Variants in ST13 observed in about 807,000 individuals in gnomAD.
The protein encoded by ST13 is hsc70-interacting protein.
In ST13, 23 loss-of-function variants were observed where a neutral mutation model predicts 56.7. The ratio of observed to expected loss-of-function variants is 0.41; its 90% CI spans 0.29 to 0.57. The LOEUF is 0.57. ST13 is among the 20% of genes least tolerant of loss of function. The pLI is 0.36. For synonymous variants in ST13, 132 were observed against 142.4 expected, an observed-to-expected ratio of 0.93 and a Z score of 0.52; for missense variants, 369 against 459.9, an observed-to-expected ratio of 0.80 and a Z score of 1.81.
At chr22:40,856,360 C>G in intron 1 of ST13, 71 bp downstream of exon 1, 3 of 1,379,040 alleles carry the variant, frequency 2.2e-6, no homozygotes, top group Non-Finnish European at 3.1e-6. Flanking sequence ...CGGACCGAGC[C>G]AGGTCCAGCC....
intron 1 of ST13, among the ~76,000 whole-genome samples, 186 bp downstream of exon 1, chr22:40,856,245 C>T (rs927941180): frequency 6.6e-6 from 1 of 152,144 alleles, no homozygotes; most frequent in Non-Finnish European, 1.5e-5. Context: ...CTGCCTCCTG[C>T]TCCCCGCGGC....
rs1254992519 is a variant in ST13 at position 40,841,510 on chromosome 22, T to C, written c.316-818A>G. Among the ~76,000 whole-genome samples, 3 of 152,162 alleles carry C rather than the reference T, an allele frequency of 2.0e-5. No individual in the cohort carries two copies. The South Asian group carries it at 6.2e-4, about 32-fold the overall frequency. ...CAGCACTTTGGGAGGCTGAGGCAGG[T>C]AGATCCCTTGAGCCCAGGAGTTCAA... On this transcript the variant is annotated intron_variant, in intron 4 of 11. Coordinates refer to ENST00000216218, the MANE Select transcript of ST13 (RefSeq NM_003932.5).
At chr22:40,845,721 A>T (rs965950888) in intron 3 of ST13, among the ~76,000 whole-genome samples, 2 of 148,344 alleles carry the variant, frequency 1.3e-5, no homozygotes, top group African/African-American at 5.3e-5. Flanking sequence ...AACGAGTTTT[A>T]TATATATATA....
At chr22:40,831,311 A>C (rs947794166) in intron 8 of ST13, among the ~76,000 whole-genome samples, 1 of 152,236 alleles carries the variant, frequency 6.6e-6, no homozygotes, top group Non-Finnish European at 1.5e-5. Flanking sequence ...ATTCAGTAGG[A>C]AGAGTATTAT....
In ST13 at chr22:40,832,646, C is replaced by A; in HGVS notation, c.604G>T (p.Ala202Ser). ...TTACAGGCAAGGGCAAGATCATGGG[C>A]TGCTTCTTCCCAGTGGCCTAGAAGT... ...HRLLGHWEEA[A>S]HDLALACKLD... The change falls in exon 8 of 12, where the codon GCC becomes TCC. Residue 202 changes from alanine to serine, a missense_variant. Around this residue, in one of 3 missense-constraint regions of ST13, gnomAD observed 64 missense variants for 125.1 expected, o/e 0.51. Coordinates refer to ENST00000216218, the MANE Select transcript of ST13 (RefSeq NM_003932.5). 1 of 1,601,390 alleles carries A rather than the reference C, an allele frequency of 6.2e-7. No individual in the cohort carries two copies.
rs2057723365 is a variant in ST13, at chr22:40,825,496, C to T, written c.*1042G>A. 1 of 152,192 alleles carries T rather than the reference C, an allele frequency of 6.6e-6. No homozygotes were observed. Among genetic ancestry groups the T allele is most frequent in the Non-Finnish European group, 1.5e-5 (1 of 68,030 alleles). 9.4% of individuals were successfully genotyped at this position (152,192 alleles called of 1,614,324 possible). A position where few individuals can be genotyped will look rare whatever the true frequency, so the allele number is the denominator to read the frequency against. On this transcript the variant is annotated 3_prime_UTR_variant, in exon 12 of 12. Transcript: ENST00000216218. The stretch of plus-strand genomic sequence containing the variant: ...ATTTTGCCAGAATGGAAGTCTAACA[C>T]TTAAATAAGCATTCTCTTGGCCAAG...
intron 9 of ST13, 86 bp downstream of exon 9, chr22:40,830,754 G>C (rs2057750124): frequency 4.0e-6 from 3 of 749,166 alleles, no homozygotes; most frequent in East Asian, 2.5e-5. Flanking sequence ...TTAAATAAAA[G>C]AGCCAGGAAT....
In ST13 at chr22:40,826,431, T is replaced by C; in HGVS notation, c.*107A>G. On this transcript the variant is annotated 3_prime_UTR_variant, in exon 12 of 12. Coordinates refer to ENST00000216218, the MANE Select transcript of ST13 (RefSeq NM_003932.5). The stretch of plus-strand genomic sequence containing the variant: ...GGGATTATCTTCAAAGCACCCCAGC[T>C]CTCTTGATGAGAAGGTCAGAGGTAC... 8.5e-7 allele frequency: 1 copy of C among 1,176,954 alleles called. No homozygotes were observed. The highest frequency in any genetic ancestry group is 2.4e-5 in the East Asian group (1 of 42,240). 72.9% of individuals were successfully genotyped at this position (1,176,954 alleles called of 1,614,324 possible).
chr22:40,856,301 T>C, intron 1 of ST13, 130 bp downstream of exon 1: 2 of 766,148 alleles, frequency 2.6e-6, no homozygotes, highest in Non-Finnish European at 2.3e-6. Context: ...CCCTCGAAGT[T>C]GCCTCCCTTT....
intron 10 of ST13, among the ~76,000 whole-genome samples, chr22:40,827,806 CT>C (rs1353997129): frequency 6.6e-6 from 1 of 152,010 alleles, no homozygotes; most frequent in Non-Finnish European, 1.5e-5. Context: ...TGCTCAGCAA[CT>C]TTTTTCTAGT....
At position 40,832,975 on chromosome 22, in the gene ST13, G is replaced by A. The variant is rs148178987; in HGVS notation, c.579-304C>T. Among the ~76,000 whole-genome samples the A allele has an allele frequency of 3.8e-3, 575 of 152,130 alleles. 2 individuals are homozygous for A. Among genetic ancestry groups the A allele is most frequent in the African/African-American group, 0.012 (512 of 41,508 alleles). ...TATGTAGACCAGTAACTTTCAACTC[G>A]CCCAAACCAGGACTAACATAATGTG... On this transcript the variant is annotated intron_variant, in intron 7 of 11. Transcript: ENST00000216218.
intron 10 of ST13, 73 bp from the exon 11 acceptor site, chr22:40,827,302 A>ACAGGTT: frequency 6.5e-7 from 1 of 1,535,460 alleles, no homozygotes; most frequent in South Asian, 1.1e-5. Flanking sequence ...CACAAAAAGT[A>ACAGGTT]CAGGTTCAAA....
At chr22:40,852,427 T>C (rs1245579091) in intron 1 of ST13, among the ~76,000 whole-genome samples, 1 of 152,256 alleles carries the variant, frequency 6.6e-6, no homozygotes, top group East Asian at 1.9e-4. Flanking sequence ...ATGAACCCTT[T>C]GTCAGCTTTA....
In ST13 at chr22:40,826,505, C is replaced by T; in HGVS notation, c.*33G>A. On this transcript the variant is annotated 3_prime_UTR_variant, in exon 12 of 12. Coordinates refer to ENST00000216218, the MANE Select transcript of ST13 (RefSeq NM_003932.5). ...CCATAAGGTGATCTAGGTTGCTTTT[C>T]CTTCAGCAAGGGCTTTATTTATCAG... 1 of 1,594,542 alleles carries T rather than the reference C, an allele frequency of 6.3e-7. No homozygotes were observed. Among genetic ancestry groups the T allele is most frequent in the Non-Finnish European group, 8.5e-7 (1 of 1,178,190 alleles).
intron 2 of ST13, among the ~76,000 whole-genome samples, chr22:40,848,612 G>A (rs1053791941): frequency 1.3e-5 from 2 of 152,106 alleles, no homozygotes; most frequent in African/African-American, 4.8e-5. Flanking sequence ...ACGTGGTGGT[G>A]CCCGCTTGTA....
chr22:40,829,281 T>C (rs1363697663), intron 10 of ST13, among the ~76,000 whole-genome samples: 1 of 152,184 alleles, frequency 6.6e-6, no homozygotes, highest in African/African-American at 2.4e-5. Flanking sequence ...TCCTGGTCTT[T>C]ATATAAATTC....
At chr22:40,844,557 A>C (rs1196180549) in intron 4 of ST13, among the ~76,000 whole-genome samples, 1 of 152,230 alleles carries the variant, frequency 6.6e-6, no homozygotes, top group East Asian at 1.9e-4. Flanking sequence ...ATATTCCATC[A>C]AGAGCAACTC....
Position 40,826,663 on chromosome 22 carries a change from G to C in ST13, c.985C>G (p.Pro329Ala). Residue 329 changes from proline (P) to alanine (A), a missense_variant, in exon 12 of 12, where the codon CCA (proline) becomes GCA (alanine). By Grantham distance (27) the Pro-to-Ala change is conservative. Around this residue, in one of 3 missense-constraint regions of ST13, gnomAD observed 136 missense variants for 159.2 expected, o/e 0.85. Transcript: ENST00000216218. ...DPEVLAAMQD[P>A]EVMVAFQDVA... ...TCCTGGAAAGCCACCATAACTTCTG[G>C]ATCCTGAAAAGAAAGGGTTCATTAG... 6.2e-7 allele frequency: 1 copy of C among 1,609,734 alleles called. No individual in the cohort carries two copies. The highest frequency in any genetic ancestry group is 1.1e-5 in the South Asian group (1 of 91,068).
chr22:40,826,653 A>G lies in ST13; in HGVS notation c.995T>C (p.Met332Thr). 2.5e-6 allele frequency: 4 copies of G among 1,609,894 alleles called. No homozygotes were observed. The highest frequency in any genetic ancestry group is 2.5e-6 in the Non-Finnish European group (3 of 1,179,814). Residue 332 changes from methionine to threonine, a missense_variant, in exon 12 of 12, where the codon ATG becomes ACG. By Grantham distance (81) the Met-to-Thr change is moderately conservative. Around this residue, in one of 3 missense-constraint regions of ST13, gnomAD observed 136 missense variants for 159.2 expected, o/e 0.85. Coordinates refer to ENST00000216218, the MANE Select transcript of ST13 (RefSeq NM_003932.5). ...CTGAGCCACATCCTGGAAAGCCACC[A>G]TAACTTCTGGATCCTGAAAAGAAAG... is the stretch of plus-strand genomic sequence containing the variant. ...VLAAMQDPEV[M>T]VAFQDVAQNP...
Sources: gnomAD v4.1 joint callset for allele counts (sites outside exome capture counted in the v4.1 genomes callset) on GRCh38, gnomAD v4.1.1 for gene constraint, gnomAD v4.1.1 regional missense constraint, MANE v1.5 for transcripts, NCBI Gene and HGNC (gene_info 2026-07-23, HGNC 2026-07-21) for gene names.